ALDH5A1: variants seen among roughly 807,000 people sequenced by gnomAD.
The protein encoded by ALDH5A1 is aldehyde dehydrogenase 5 family member A1.
In ALDH5A1, 33 loss-of-function variants were observed where a neutral mutation model predicts 54.7. That is an observed-to-expected ratio of 0.60 (90% CI 0.46 to 0.81). ALDH5A1 has a LOEUF of 0.81. Among genes scored for constraint, ALDH5A1 ranks in the 30% least tolerant of loss-of-function variants. The pLI, the probability that ALDH5A1 is intolerant of heterozygous loss-of-function variation, is 0.00. For missense variants in ALDH5A1, 657 were observed against 711.0 expected (o/e 0.92, Z 0.86); for synonymous variants, 294 against 292.7 (o/e 1.00, Z -0.05).
At chr6:24,504,667 T>G (rs1389136764) in intron 3 of ALDH5A1, among the ~76,000 whole-genome samples, 1 of 152,238 alleles carries the variant, frequency 6.6e-6, no homozygotes, top group East Asian at 1.9e-4. Flanking sequence ...CTAAAAATAT[T>G]TCCTGTCTTC....
intron 4 of ALDH5A1, among the ~76,000 whole-genome samples, chr6:24,514,657 G>A (rs1759526536): frequency 6.6e-6 from 1 of 152,062 alleles, no homozygotes; most frequent in Non-Finnish European, 1.5e-5. Flanking sequence ...TTGAATCTGG[G>A]AGACAGAGGT....
intron 3 of ALDH5A1, among the ~76,000 whole-genome samples, chr6:24,504,577 C>T (rs1329151146): frequency 3.9e-5 from 6 of 152,318 alleles, no homozygotes; most frequent in Non-Finnish European, 8.8e-5. Flanking sequence ...TTCTACAAAG[C>T]CTAAAAAATT....
intron 4 of ALDH5A1, among the ~76,000 whole-genome samples, chr6:24,506,395 G>C (rs376783481): frequency 8.6e-4 from 131 of 151,654 alleles, no homozygotes; most frequent in Middle Eastern, 3.4e-3. Flanking sequence ...TGGGATTACA[G>C]ATGCCCGTCA....
At chr6:24,499,804 G>A (rs940556329) in intron 1 of ALDH5A1, among the ~76,000 whole-genome samples, 3 of 151,818 alleles carry the variant, frequency 2.0e-5, no homozygotes, top group Non-Finnish European at 4.4e-5. Context: ...GACTACAGGC[G>A]CCTGCCACCA....
At chr6:24,515,097 C>CTTTTTTTTTTTTT in intron 4 of ALDH5A1, 70 bp from the exon 5 acceptor site, 1 of 1,311,226 alleles carries the variant, frequency 7.6e-7, no homozygotes, top group South Asian at 1.5e-5. Context: ...ATTTATTTCT[C>CTTTTTTTTTTTTT]TTTTCTTTTT....
Position 24,495,152 on chromosome 6 carries a change from G to C in ALDH5A1, c.156G>C (p.Ala52=). 2 of 1,431,160 alleles carry C rather than the reference G, an allele frequency of 1.4e-6. No individual in the cohort carries two copies. The highest frequency in any genetic ancestry group is 1.8e-6 in the Non-Finnish European group (2 of 1,098,930). The allele number at this position is 1,431,160 out of a possible 1,614,324, so 88.7% of individuals were successfully genotyped here. The change falls in exon 1 of 10, where the codon GCG becomes GCC. Residue 52 remains alanine (A), a synonymous_variant. Coordinates refer to ENST00000357578, the MANE Select transcript of ALDH5A1 (RefSeq NM_001080.3). ...TCCGCTGCTACGCTGGGCGCCTGGC[G>C]GGCCTCTCTGCGGCGCTGCTGCGCA... is the stretch of plus-strand genomic sequence containing the variant. ...AQLRCYAGRL[A]GLSAALLRTD... is the part of the protein sequence containing the mutation.
intron 4 of ALDH5A1, 118 bp downstream of exon 4, chr6:24,505,103 GTGT>G: frequency 9.6e-7 from 1 of 1,044,030 alleles, no homozygotes; most frequent in Non-Finnish European, 1.5e-6. Flanking sequence ...CTGATGCATG[GTGT>G]TGTGTATTAA....
intron 8 of ALDH5A1, among the ~76,000 whole-genome samples, chr6:24,531,729 G>C (rs949578423): frequency 2.6e-5 from 4 of 152,162 alleles, no homozygotes; most frequent in Non-Finnish European, 5.9e-5. Context: ...AACCCCTTCT[G>C]AACGTTTTCT....
chr6:24,503,866 C>T (rs1017932354), intron 3 of ALDH5A1, among the ~76,000 whole-genome samples: 2 of 152,144 alleles, frequency 1.3e-5, no homozygotes, highest in African/African-American at 4.8e-5. Flanking sequence ...CATTTGTGGA[C>T]CCACTAGCAG....
chr6:24,515,095 CTCTTT>C (rs1419747089), intron 4 of ALDH5A1, 67 bp from the exon 5 acceptor site: 15 of 1,424,864 alleles, frequency 1.1e-5, no homozygotes, highest in South Asian at 1.4e-5. Context: ...CTATTTATTT[CTCTTT>C]TCTTTTTTTT....
intron 4 of ALDH5A1, among the ~76,000 whole-genome samples, chr6:24,507,317 C>T (rs1759376743): frequency 3.2e-5 from 1 of 30,846 alleles, no homozygotes; most frequent in East Asian, 3.1e-4. Context: ...CCTTGGCTCA[C>T]ATTTTTTTTT....
intron 6 of ALDH5A1, among the ~76,000 whole-genome samples, chr6:24,520,868 G>A (rs1406640893): frequency 6.6e-6 from 1 of 152,176 alleles, no homozygotes. Context: ...AACAGCAGAT[G>A]TCCTTTAGTC....
rs114422378 is a variant in ALDH5A1 at position 24,535,006 on chromosome 6, C to G, written c.*1294C>G. On this transcript the variant is annotated 3_prime_UTR_variant, in exon 10 of 10. Coordinates refer to ENST00000357578, the MANE Select transcript of ALDH5A1 (RefSeq NM_001080.3). The stretch of plus-strand genomic sequence containing the variant: ...AAAAAACAAAAGCCGCTATGACCGG[C>G]GTTGCCTCTCACTTTGAAAGAAAGA... 1.3e-5 allele frequency: 2 copies of G among 152,182 alleles called. No individual in the cohort carries two copies. Among genetic ancestry groups the G allele is most frequent in the Non-Finnish European group, 2.9e-5 (2 of 68,036 alleles). The allele number at this position is 152,182 out of a possible 1,614,324, so 9.4% of individuals were successfully genotyped here.
chr6:24,527,092 T>G (rs1759827108), intron 7 of ALDH5A1, among the ~76,000 whole-genome samples: 1 of 148,328 alleles, frequency 6.7e-6, no homozygotes, highest in Non-Finnish European at 1.5e-5. Flanking sequence ...AGAAAAAGGG[T>G]GAGAACCATT....
At chr6:24,496,316 CAT>C (rs1764703862) in intron 1 of ALDH5A1, among the ~76,000 whole-genome samples, 1 of 152,136 alleles carries the variant, frequency 6.6e-6, no homozygotes, top group Non-Finnish European at 1.5e-5. Flanking sequence ...AAACAACAAA[CAT>C]AATATCTAAG....
At chr6:24,520,295 A>T in intron 5 of ALDH5A1, 106 bp from the exon 6 acceptor site, 2 of 1,272,442 alleles carry the variant, frequency 1.6e-6, no homozygotes, top group South Asian at 1.2e-5. Context: ...CATGTACACC[A>T]CTGTGCACCT....
intron 4 of ALDH5A1, among the ~76,000 whole-genome samples, chr6:24,514,763 A>C (rs1197534075): frequency 6.6e-6 from 1 of 151,592 alleles, no homozygotes; most frequent in Non-Finnish European, 1.5e-5. Flanking sequence ...TTATACTCTA[A>C]GAATTTTGTT....
At chr6:24,530,157 T>G (rs1489355265) in intron 8 of ALDH5A1, among the ~76,000 whole-genome samples, 1 of 152,202 alleles carries the variant, frequency 6.6e-6, no homozygotes, top group African/African-American at 2.4e-5. Context: ...TCATTCCTGA[T>G]GCCTTCTGCG....
At chr6:24,513,062 TTA>T (rs1561873105) in intron 4 of ALDH5A1, among the ~76,000 whole-genome samples, 2 of 142,386 alleles carry the variant, frequency 1.4e-5, no homozygotes, top group African/African-American at 5.3e-5. Flanking sequence ...ATTCTACTTC[TTA>T]TTATTTTTTC....
Sources: allele counts gnomAD v4.1 joint callset (sites outside exome capture counted in the v4.1 genomes callset), GRCh38; gene constraint gnomAD v4.1.1; transcripts MANE v1.5; gene names NCBI Gene and HGNC (gene_info 2026-07-23, HGNC 2026-07-21).